DNAAF4: variants seen among roughly 807,000 people sequenced by gnomAD.
DNAAF4 encodes dynein assembly factor 4, axonemal.
DNAAF4 carries 43 observed loss-of-function variants against 51.8 expected under a neutral mutation model. That is an observed-to-expected ratio of 0.83 (90% confidence interval 0.65 to 1.07). The LOEUF (loss-of-function observed/expected upper bound fraction) is 1.07. DNAAF4 is among the 50% of genes least tolerant of loss of function. DNAAF4 has a pLI of 0.00. For missense variants in DNAAF4, 581 were observed against 493.0 expected (o/e 1.18, Z -1.69); for synonymous variants, 194 against 165.6 (o/e 1.17, Z -1.32).
chr15:55,427,477 G>A (rs1011714932), downstream of DNAAF4, among the ~76,000 whole-genome samples: 43 of 152,284 alleles, frequency 2.8e-4, no homozygotes, highest in African/African-American at 7.7e-4. Flanking sequence ...CTTGTGCTAA[G>A]TTAGTTCCTG....
chr15:55,494,577 A>G (rs547729932), intron 3 of DNAAF4, among the ~76,000 whole-genome samples: 1 of 150,582 alleles, frequency 6.6e-6, no homozygotes, highest in African/African-American at 2.4e-5. Context: ...ACGCCTGACG[A>G]AGTTTTGTAT....
intron 4 of DNAAF4, among the ~76,000 whole-genome samples, chr15:55,487,356 TAAC>T (rs2058505584): frequency 1.3e-5 from 2 of 151,118 alleles, no homozygotes; most frequent in African/African-American, 4.9e-5. Context: ...GTGTTTAGCT[TAAC>T]AATTGTAAAC....
intron 7 of DNAAF4, chr15:55,418,429 T>G: frequency 2.6e-6 from 4 of 1,526,354 alleles, no homozygotes; most frequent in Non-Finnish European, 3.5e-6. Flanking sequence ...TTCCACAGTT[T>G]TTCCCCTGCA....
At chr15:55,485,789 T>C (rs2058478829) in intron 4 of DNAAF4, among the ~76,000 whole-genome samples, 1 of 151,838 alleles carries the variant, frequency 6.6e-6, no homozygotes, top group African/African-American at 2.4e-5. Flanking sequence ...GGTCAGGAGA[T>C]CGAGACCATC....
chr15:55,448,550 GTGTGTGTGTA>G (rs1457640940), intron 6 of DNAAF4, among the ~76,000 whole-genome samples: 2 of 126,834 alleles, frequency 1.6e-5, no homozygotes, highest in South Asian at 2.4e-4. Flanking sequence ...GTGTGTGTGT[GTGTGTGTGTA>G]TAAACACAAT....
chr15:55,505,981 A>C (rs73411053), intron 1 of DNAAF4, among the ~76,000 whole-genome samples: 8,048 of 152,240 alleles, frequency 0.053, 271 homozygotes, highest in Non-Finnish European at 0.069. Context: ...TATGGGTGAC[A>C]CAAAGACCTT....
intron 4 of DNAAF4, among the ~76,000 whole-genome samples, chr15:55,474,901 C>T (rs2058315313): frequency 6.6e-6 from 1 of 152,138 alleles, no homozygotes; most frequent in Non-Finnish European, 1.5e-5. Context: ...ATCACTTGAA[C>T]CTGGGAAGTG....
At chr15:55,479,110 T>C (rs569590032) in intron 4 of DNAAF4, among the ~76,000 whole-genome samples, 8 of 151,284 alleles carry the variant, frequency 5.3e-5, no homozygotes, top group Non-Finnish European at 1.2e-4. Context: ...GGGAAGGCTA[T>C]ACTAATCCTG....
chr15:55,439,898 C>T (rs553053663), intron 6 of DNAAF4, among the ~76,000 whole-genome samples: 2 of 152,140 alleles, frequency 1.3e-5, no homozygotes, highest in South Asian at 2.1e-4. Context: ...AGTGGGTGTC[C>T]GCAAGTTATG....
rs75071991 is a variant in DNAAF4 at position 55,450,528 on chromosome 15, A to G, written c.638-161T>C. 0.038 allele frequency among the ~76,000 whole-genome samples: 5,797 copies of G among 152,318 alleles called. 115 individuals carry two copies. The highest frequency in any genetic ancestry group is 0.055 in the African/African-American group (2,306 of 41,564). ...GAATGCAAAATTTAGCAATGATAAT[A>G]TAGCAGCTAATGACCTACCTGCTCT... On this transcript the variant is annotated intron_variant, in intron 5 of 9. Coordinates refer to ENST00000321149, the MANE Select transcript of DNAAF4 (RefSeq NM_130810.4).
intron 3 of DNAAF4, among the ~76,000 whole-genome samples, chr15:55,495,892 G>A (rs1322757413): frequency 6.6e-6 from 1 of 152,164 alleles, no homozygotes; most frequent in Non-Finnish European, 1.5e-5. Flanking sequence ...ACAAAGCACT[G>A]ACAACTAGCT....
chr15:55,503,837 TG>T (rs1270041854), intron 1 of DNAAF4, among the ~76,000 whole-genome samples: 1 of 152,116 alleles, frequency 6.6e-6, no homozygotes, highest in Non-Finnish European at 1.5e-5. Flanking sequence ...GGGCAAAAAC[TG>T]GAAGCATTCC....
intron 8 of DNAAF4, among the ~76,000 whole-genome samples, chr15:55,434,062 T>A (rs749402295): frequency 1.7e-5 from 2 of 115,104 alleles, no homozygotes; most frequent in Non-Finnish European, 3.4e-5. Context: ...AACAAATAAT[T>A]ATTATCAGGT....
At chr15:55,422,062 T>C (rs1486194145) in intron 7 of DNAAF4, among the ~76,000 whole-genome samples, 2 of 151,680 alleles carry the variant, frequency 1.3e-5, no homozygotes, top group East Asian at 3.9e-4. Context: ...TTTTATATAT[T>C]TACAAATAAA....
rs1163286798 is a variant in DNAAF4 at position 55,466,945 on chromosome 15, T to G, written c.622A>C (p.Asn208His). The G allele has an allele frequency of 6.3e-7, 1 of 1,584,300 alleles. No individual in the cohort carries two copies. The highest frequency in any genetic ancestry group is 1.2e-5 in the South Asian group (1 of 83,512). The change falls in exon 5 of 10, where the codon AAT becomes CAT. Residue 208 changes from asparagine (N) to histidine (H), a missense_variant. Transcript: ENST00000321149. ...ATCATTTTACCTTTTGGAGCAAGAT[T>G]TCTAGATGCCAAATTTCTAGTAAGA... ...KSLTRNLASR[N>H]LAPKGRNSEN...
chr15:55,465,653 G>A (rs781060657), intron 5 of DNAAF4, among the ~76,000 whole-genome samples: 3 of 146,636 alleles, frequency 2.0e-5, no homozygotes, highest in East Asian at 2.0e-4. Flanking sequence ...CATAACCTCC[G>A]CCTCCCAGGT....
chr15:55,459,075 CAA>C (rs35467433), intron 5 of DNAAF4, among the ~76,000 whole-genome samples: 19 of 71,924 alleles, frequency 2.6e-4, no homozygotes, highest in Admixed American at 7.9e-4. Context: ...GACTCTGTCT[CAA>C]AAAAAAAAAA....
intron 4 of DNAAF4, among the ~76,000 whole-genome samples, chr15:55,481,761 A>T (rs1348669798): frequency 6.6e-6 from 1 of 152,248 alleles, no homozygotes; most frequent in Admixed American, 6.5e-5. Context: ...AGGGAGCCTG[A>T]GGCCAACTAG....
Position 55,498,345 on chromosome 15 carries a change from A to G in DNAAF4, c.-16T>C. 1 of 1,597,202 alleles carries G rather than the reference A, an allele frequency of 6.3e-7. No homozygotes were observed. Among genetic ancestry groups the G allele is most frequent in the Non-Finnish European group, 8.6e-7 (1 of 1,169,240 alleles). On this transcript the variant is annotated 5_prime_UTR_variant, in exon 2 of 10. Transcript: ENST00000321149. ...GAAGAGGCATTCCGGTAGCAACGGG[A>G]GCGGATAGCGCGGCTGGTTGCTTCT...
Sources: gnomAD v4.1 joint callset for allele counts (sites outside exome capture counted in the v4.1 genomes callset) on GRCh38, gnomAD v4.1.1 for gene constraint, MANE v1.5 for transcripts, NCBI Gene and HGNC (gene_info 2026-07-23, HGNC 2026-07-21) for gene names.